The following GRIN3A variants were observed in gnomAD, a reference collection of about 807,000 sequenced individuals.
GRIN3A encodes the protein glutamate receptor ionotropic, NMDA 3A.
Under a neutral mutation model 92.4 loss-of-function variants are expected in GRIN3A, and 47 were observed. That is an observed-to-expected ratio of 0.51 (90% confidence interval 0.40 to 0.65). GRIN3A has a LOEUF of 0.65. GRIN3A is among the 30% of genes least tolerant of loss of function. GRIN3A has a pLI of 0.00. For missense variants in GRIN3A, 1,324 were observed against 1,393.1 expected, an observed-to-expected ratio of 0.95 and a Z score of 0.79; for synonymous variants, 527 against 540.6, an observed-to-expected ratio of 0.97 and a Z score of 0.35.
intron 1 of GRIN3A, among the ~76,000 whole-genome samples, chr9:101,714,340 A>G (rs1253436003): frequency 6.6e-6 from 1 of 152,214 alleles, no homozygotes; most frequent in Non-Finnish European, 1.5e-5. Flanking sequence ...CCAATAATAG[A>G]TTTCAAATTA....
rs541314032 is a variant in GRIN3A, at chr9:101,577,555, C to T, written c.3008+213G>A. Among the ~76,000 whole-genome samples, 17 of 152,274 alleles carry T rather than the reference C, an allele frequency of 1.1e-4. 1 individual carries two copies. Among genetic ancestry groups the T allele is most frequent in the Middle Eastern group, 3.4e-3 (1 of 294 alleles). On this transcript the variant is annotated intron_variant, in intron 8 of 8. Transcript: ENST00000361820. Reference sequence around the variant, plus strand: ...CAGGATTTGGATCCAGAGGGTTGATCCTAGAGTCCATGACTACACTTCTAA... The same window carrying T: ...CAGGATTTGGATCCAGAGGGTTGATTCTAGAGTCCATGACTACACTTCTAA...
At chr9:101,682,551 A>G (rs1829471438) in intron 2 of GRIN3A, among the ~76,000 whole-genome samples, 2 of 152,254 alleles carry the variant, frequency 1.3e-5, no homozygotes. Flanking sequence ...GTCAGAATTC[A>G]AGTCTTCATT....
intron 3 of GRIN3A, among the ~76,000 whole-genome samples, chr9:101,632,983 A>C (rs769528655): frequency 3.0e-4 from 45 of 152,184 alleles, no homozygotes; most frequent in Non-Finnish European, 7.4e-5. Context: ...CCTTGGGGAA[A>C]TATCTAAGGT....
Position 101,737,634 on chromosome 9 carries a change from C to T in GRIN3A, c.346G>A (p.Gly116Ser), listed in dbSNP as rs111415222. The change falls in exon 1 of 9, where the codon GGC becomes AGC. Residue 116 changes from glycine to serine, a missense_variant. Physicochemically the swap from Gly to Ser is moderately conservative, Grantham distance 56. Transcript: ENST00000361820. ...GGCCACAGGGCCTCCGCCCTGGCGC[C>T]CTCCCCGGGCTTACGGGAGCCCGGC... ...GPPGSRKPGEGARAEALWPRD... is the reference protein window; with the variant it reads ...GPPGSRKPGESARAEALWPRD... 2,713 of 1,611,580 alleles carry T rather than the reference C, an allele frequency of 1.7e-3. 8 individuals carry two copies. The highest frequency in any genetic ancestry group is 4.6e-3 in the Middle Eastern group (28 of 6,054).
chr9:101,594,302 G>T, intron 6 of GRIN3A: 1 of 1,405,516 alleles, frequency 7.1e-7, no homozygotes, highest in Non-Finnish European at 9.6e-7. Flanking sequence ...TTCACAAAAA[G>T]AAATACTTCC....
chr9:101,616,021 G>C (rs907271722), intron 5 of GRIN3A, among the ~76,000 whole-genome samples: 1 of 152,102 alleles, frequency 6.6e-6, no homozygotes, highest in African/African-American at 2.4e-5. Flanking sequence ...TTTAATATCT[G>C]TTTCCCCTGT....
intron 1 of GRIN3A, among the ~76,000 whole-genome samples, chr9:101,736,138 G>C (rs926072400): frequency 8.5e-5 from 13 of 152,178 alleles, no homozygotes; most frequent in African/African-American, 3.1e-4. Context: ...CCAGCTGCAA[G>C]AGTTGAGTGA....
intron 3 of GRIN3A, among the ~76,000 whole-genome samples, chr9:101,632,243 C>T (rs539613856): frequency 6.6e-6 from 1 of 152,272 alleles, no homozygotes; most frequent in Admixed American, 6.5e-5. Flanking sequence ...TCACTGACCC[C>T]TAGACCTGTA....
chr9:101,705,993 T>A (rs910455840), intron 1 of GRIN3A, among the ~76,000 whole-genome samples: 3 of 151,692 alleles, frequency 2.0e-5, no homozygotes, highest in Non-Finnish European at 4.4e-5. Flanking sequence ...GTGAGACTGT[T>A]AAAAAAAACG....
chr9:101,578,960 T>C (rs1012145018), intron 7 of GRIN3A, among the ~76,000 whole-genome samples: 2 of 152,164 alleles, frequency 1.3e-5, no homozygotes, highest in Admixed American at 1.3e-4. Flanking sequence ...ATTTCTTCTA[T>C]TATGAACAAC....
intron 1 of GRIN3A, among the ~76,000 whole-genome samples, chr9:101,716,441 TATC>T (rs2119021208): frequency 6.6e-6 from 1 of 152,342 alleles, no homozygotes; most frequent in Non-Finnish European, 1.5e-5. Context: ...TATGAGTAGT[TATC>T]ATTATCTCAT....
intron 3 of GRIN3A, among the ~76,000 whole-genome samples, chr9:101,669,848 C>A (rs1196427244): frequency 6.6e-6 from 1 of 152,066 alleles, no homozygotes; most frequent in African/African-American, 2.4e-5. Context: ...AAAAGACACT[C>A]CCCAAAACTT....
At chr9:101,639,685 G>GT (rs1328431335) in intron 3 of GRIN3A, among the ~76,000 whole-genome samples, 1 of 152,202 alleles carries the variant, frequency 6.6e-6, no homozygotes, top group Non-Finnish European at 1.5e-5. Flanking sequence ...TAAAATGCCA[G>GT]TTTTTACTTA....
intron 6 of GRIN3A, among the ~76,000 whole-genome samples, chr9:101,601,984 G>C (rs917491256): frequency 6.6e-6 from 1 of 152,170 alleles, no homozygotes; most frequent in African/African-American, 2.4e-5. Context: ...CTAGGCTGAA[G>C]TCTTATTGGA....
At chr9:101,643,768 G>T (rs1004750671) in intron 3 of GRIN3A, among the ~76,000 whole-genome samples, 1 of 150,526 alleles carries the variant, frequency 6.6e-6, no homozygotes, top group African/African-American at 2.4e-5. Context: ...TGAACTCAGA[G>T]GATATTATGT....
In GRIN3A at chr9:101,580,242, C is replaced by A. The variant is rs573042186; in HGVS notation, c.2767-882G>T. Among the ~76,000 whole-genome samples, 4 of 152,310 alleles carry A rather than the reference C, an allele frequency of 2.6e-5. No individual in the cohort carries two copies. The East Asian group carries it at 7.7e-4, about 29-fold the overall frequency. On this transcript the variant is annotated intron_variant, in intron 6 of 8. Coordinates refer to ENST00000361820, the MANE Select transcript of GRIN3A (RefSeq NM_133445.3). The stretch of plus-strand genomic sequence containing the variant: ...TTCTGCTGAGGCTATGCTTCCCATT[C>A]TGCAGGATGGCTGGCCTGCTGGCTG...
chr9:101,738,151 C>A lies in GRIN3A; in HGVS notation c.-172G>T. The stretch of plus-strand genomic sequence containing the variant: ...GCCATGCAAGTTGGAGCGTAGCGCG[C>A]CTCCGGCAGTCTCAGATCCCGCTCC... On this transcript the variant is annotated 5_prime_UTR_variant, in exon 1 of 9. Coordinates refer to ENST00000361820, the MANE Select transcript of GRIN3A (RefSeq NM_133445.3). 1 of 682,428 alleles carries A rather than the reference C, an allele frequency of 1.5e-6. No homozygotes were observed. Among genetic ancestry groups the A allele is most frequent in the Admixed American group, 2.1e-5 (1 of 48,074 alleles). The allele number at this position is 682,428 out of a possible 1,614,324, so 42.3% of individuals were successfully genotyped here.
chr9:101,607,897 A>G (rs1355653292), intron 6 of GRIN3A, among the ~76,000 whole-genome samples: 2 of 152,252 alleles, frequency 1.3e-5, no homozygotes, highest in Non-Finnish European at 2.9e-5. Flanking sequence ...TCCAGCAGGC[A>G]GAGGCTGTTT....
intron 1 of GRIN3A, among the ~76,000 whole-genome samples, chr9:101,694,415 A>C (rs184758587): frequency 2.0e-3 from 301 of 152,324 alleles, no homozygotes; most frequent in African/African-American, 6.6e-3. Context: ...AGTGTCGGGC[A>C]TAACAGGTTG....
Sources: allele counts gnomAD v4.1 joint callset (sites outside exome capture counted in the v4.1 genomes callset), GRCh38; gene constraint gnomAD v4.1.1; transcripts MANE v1.5; gene names NCBI Gene and HGNC (gene_info 2026-07-23, HGNC 2026-07-21).